The following ABI3BP variants were observed in gnomAD, a reference collection of about 807,000 sequenced individuals.
The protein encoded by ABI3BP is ABI family member 3 binding protein.
A neutral mutation model predicts 268.6 loss-of-function variants in ABI3BP; 216 were observed. The observed-to-expected ratio is 0.80, with a 90% CI of 0.72 to 0.90. The LOEUF (loss-of-function observed/expected upper bound fraction) is 0.90. Ranked by LOEUF, ABI3BP falls within the 40% of genes least tolerant of loss-of-function variation. ABI3BP has a pLI of 0.00. For missense variants in ABI3BP, 2,090 were observed against 2,182.4 expected (o/e 0.96, Z 0.84); for synonymous variants, 730 against 730.0 (o/e 1.00, Z 0.00).
At chr3:100,824,748 T>G (rs1002819229) in intron 36 of ABI3BP, 110 bp downstream of exon 36, 16 of 874,686 alleles carry the variant, frequency 1.8e-5, no homozygotes, top group Middle Eastern at 2.7e-4. Flanking sequence ...CCTTATGCCC[T>G]CGTGCTTAGG....
Position 100,885,440 on chromosome 3 carries a change from A to C in ABI3BP, c.696+96T>G, listed in dbSNP as rs903192906. 10 of 633,192 alleles carry C rather than the reference A, an allele frequency of 1.6e-5. No homozygotes were observed. In the South Asian group the frequency reaches 4.0e-4, roughly 25 times the overall value. The allele number at this position is 633,192 out of a possible 1,614,324, so 39.2% of individuals were successfully genotyped here. Reference sequence around the variant, plus strand: ...TTTCTCCACTGTTTCATAGCTAGTCAGTTAATCTAATTTCAGTATCTTATA... The same window carrying C: ...TTTCTCCACTGTTTCATAGCTAGTCCGTTAATCTAATTTCAGTATCTTATA... On this transcript the variant is annotated intron_variant, in intron 6 of 67. Transcript: ENST00000471714.
At chr3:100,751,364 T>C (rs1170065577) in intron 67 of ABI3BP, among the ~76,000 whole-genome samples, 188 bp downstream of exon 67, 1 of 152,174 alleles carries the variant, frequency 6.6e-6, no homozygotes, top group Non-Finnish European at 1.5e-5. Context: ...ATTTATATTA[T>C]GTCTGTAATT....
At chr3:100,861,250 T>A (rs1450402632) in intron 14 of ABI3BP, among the ~76,000 whole-genome samples, 1 of 152,192 alleles carries the variant, frequency 6.6e-6, no homozygotes, top group African/African-American at 2.4e-5. Flanking sequence ...TGATGTCATC[T>A]TCTATCTTTT....
At chr3:100,901,292 T>G (rs1436715344) in intron 3 of ABI3BP, among the ~76,000 whole-genome samples, 1 of 152,202 alleles carries the variant, frequency 6.6e-6, no homozygotes, top group Non-Finnish European at 1.5e-5. Context: ...TTGTGGCAAC[T>G]AATTTCTGAT....
At chr3:100,940,401 C>T (rs549731202) in intron 1 of ABI3BP, among the ~76,000 whole-genome samples, 8 of 152,156 alleles carry the variant, frequency 5.3e-5, no homozygotes, top group Admixed American at 1.3e-4. Context: ...GCCATGACTT[C>T]AGCCGGTCCC....
chr3:100,988,700 C>T (rs1409963274), intron 1 of ABI3BP, among the ~76,000 whole-genome samples: 1 of 152,190 alleles, frequency 6.6e-6, no homozygotes, highest in Non-Finnish European at 1.5e-5. Context: ...ACACCAGTCC[C>T]TTATCTTCTC....
intron 3 of ABI3BP, among the ~76,000 whole-genome samples, chr3:100,900,384 T>C (rs1227882266): frequency 6.6e-6 from 1 of 152,214 alleles, no homozygotes; most frequent in Admixed American, 6.5e-5. Context: ...ACTTTGCAGA[T>C]GAAAAATAAG....
chr3:100,876,402 C>T, intron 7 of ABI3BP, 110 bp downstream of exon 7: 1 of 949,190 alleles, frequency 1.1e-6, no homozygotes, highest in Non-Finnish European at 1.5e-6. Flanking sequence ...AACTTTTTCT[C>T]AAAAAAAAAA....
At chr3:100,846,239 G>A (rs181208928) in intron 20 of ABI3BP, 133 bp downstream of exon 20, 1 of 642,672 alleles carries the variant, frequency 1.6e-6, no homozygotes, top group East Asian at 2.8e-5. Flanking sequence ...TCATTTCATT[G>A]CATGCTTACA....
At chr3:100,863,239 A>T (rs559617381) in intron 12 of ABI3BP, 11 of 193,252 alleles carry the variant, frequency 5.7e-5, no homozygotes, top group Middle Eastern at 2.0e-3. Flanking sequence ...ACACATCTGA[A>T]CTAGAAAATG....
At chr3:100,982,045 T>C (rs1438285392) in intron 1 of ABI3BP, among the ~76,000 whole-genome samples, 3 of 152,176 alleles carry the variant, frequency 2.0e-5, no homozygotes, top group Non-Finnish European at 4.4e-5. Context: ...CTTAGAATTA[T>C]GGCAGAAGGG....
chr3:100,830,665 G>A, intron 31 of ABI3BP, 31 bp from the exon 32 acceptor site: 1 of 1,508,668 alleles, frequency 6.6e-7, no homozygotes, highest in Non-Finnish European at 8.9e-7. Flanking sequence ...AAACCAAAGA[G>A]ATTTTGTGAA....
intron 2 of ABI3BP, among the ~76,000 whole-genome samples, chr3:100,917,789 T>C (rs558980503): frequency 2.6e-5 from 4 of 152,292 alleles, no homozygotes; most frequent in South Asian, 2.1e-4. Context: ...AGTTTATCAT[T>C]TGAAGTCAAG....
intron 11 of ABI3BP, chr3:100,864,305 A>G (rs1051543202): frequency 1.9e-6 from 1 of 526,408 alleles, no homozygotes; most frequent in African/African-American, 1.9e-5. Context: ...ATTACAGAAC[A>G]AAACACATGC....
intron 2 of ABI3BP, among the ~76,000 whole-genome samples, chr3:100,921,509 T>C (rs574970520): frequency 4.2e-4 from 64 of 151,824 alleles, no homozygotes; most frequent in South Asian, 8.3e-4. Context: ...ACATTCATGA[T>C]GTGAGTAAAA....
intron 8 of ABI3BP, 26 bp from the exon 9 acceptor site, chr3:100,874,959 A>T: frequency 7.2e-7 from 1 of 1,383,220 alleles, no homozygotes; most frequent in Non-Finnish European, 1.0e-6. Flanking sequence ...TGTAAATAAG[A>T]TAAGGGGAAG....
At chr3:100,851,580 C>T (rs533581510) in intron 15 of ABI3BP, among the ~76,000 whole-genome samples, 13 of 152,178 alleles carry the variant, frequency 8.5e-5, no homozygotes, top group Non-Finnish European at 1.5e-4. Flanking sequence ...TCTAGAAACT[C>T]GAAGACCTTT....
intron 47 of ABI3BP, 117 bp downstream of exon 47, chr3:100,811,611 A>T: frequency 1.9e-6 from 2 of 1,039,674 alleles, no homozygotes; most frequent in Non-Finnish European, 2.8e-6. Context: ...AGCTCCTTCA[A>T]ATCTGTTTAA....
At chr3:100,965,065 G>C (rs1225325474) in intron 1 of ABI3BP, among the ~76,000 whole-genome samples, 2 of 152,216 alleles carry the variant, frequency 1.3e-5, no homozygotes, top group Non-Finnish European at 2.9e-5. Flanking sequence ...AGTGATCAGA[G>C]ATAACTTTGG....
Sources: allele counts gnomAD v4.1 joint callset (sites outside exome capture counted in the v4.1 genomes callset), GRCh38; gene constraint gnomAD v4.1.1; transcripts MANE v1.5; gene names NCBI Gene and HGNC (gene_info 2026-07-23, HGNC 2026-07-21).